ADGRL2: variants seen among roughly 807,000 people sequenced by gnomAD.
ADGRL2 encodes the protein adhesion G protein-coupled receptor L2.
ADGRL2 carries 44 observed loss-of-function variants against 157.4 expected under a neutral mutation model. The observed-to-expected ratio is 0.28, with a 90% CI of 0.22 to 0.36. The LOEUF is 0.36. ADGRL2 is among the 10% of genes least tolerant of loss of function. The probability of loss-of-function intolerance (pLI) is 1.00; values close to 1 mark genes in which losing one functional copy is unlikely to be tolerated. For missense variants in ADGRL2, 1,510 were observed against 1,768.9 expected, an observed-to-expected ratio of 0.85 and a Z score of 2.63; for synonymous variants, 585 against 624.7, an observed-to-expected ratio of 0.94 and a Z score of 0.95.
chr1:81,384,303 G>T (rs1237789182), intron 1 of ADGRL2, among the ~76,000 whole-genome samples: 1 of 152,114 alleles, frequency 6.6e-6, no homozygotes, highest in Non-Finnish European at 1.5e-5. Flanking sequence ...TAAAAAGTAG[G>T]TTGCTGAAGT....
intron 3 of ADGRL2, among the ~76,000 whole-genome samples, chr1:81,688,604 G>A (rs1320397289): frequency 1.3e-5 from 2 of 151,828 alleles, no homozygotes; most frequent in Non-Finnish European, 2.9e-5. Context: ...TCCTTGCATT[G>A]GGCTTTGCCT....
intron 1 of ADGRL2, among the ~76,000 whole-genome samples, chr1:81,812,053 A>G (rs12561800): frequency 0.16 from 24,930 of 151,700 alleles, 2,217 homozygotes; most frequent in East Asian, 0.24. Context: ...ATCATGTTGA[A>G]CCACAGATTT....
At chr1:81,536,105 C>G (rs906813708) in intron 2 of ADGRL2, among the ~76,000 whole-genome samples, 4 of 152,162 alleles carry the variant, frequency 2.6e-5, no homozygotes, top group Admixed American at 6.5e-5. Flanking sequence ...GCTATCTTTA[C>G]TGTTCATCTC....
In ADGRL2 at chr1:81,721,987, T is replaced by C. The variant is rs142514587; in HGVS notation, c.-143+22179T>C. On this transcript the variant is annotated intron_variant, in intron 1 of 20. Transcript: ENST00000359929. ...CCAGACACTGATGCCCTTTAAGAAA[T>C]AGGAGATGAAAATGCAGAGATAGGA... is the stretch of plus-strand genomic sequence containing the variant. 2.4e-3 allele frequency: 1,286 copies of C among 543,390 alleles called. 11 individuals carry two copies. Among genetic ancestry groups the C allele is most frequent in the African/African-American group, 0.022 (1,128 of 52,184 alleles). The allele number at this position is 543,390 out of a possible 1,614,324, so 33.7% of individuals were successfully genotyped here.
At chr1:81,485,967 G>A (rs200218216) in intron 2 of ADGRL2, among the ~76,000 whole-genome samples, 4 of 152,260 alleles carry the variant, frequency 2.6e-5, no homozygotes, top group East Asian at 3.9e-4. Context: ...CTCTCCTCAT[G>A]CTTTGTGTGC....
At chr1:81,474,744 G>C (rs1217120677) in intron 2 of ADGRL2, among the ~76,000 whole-genome samples, 2 of 152,170 alleles carry the variant, frequency 1.3e-5, no homozygotes, top group African/African-American at 4.8e-5. Context: ...GTGCTTTAGA[G>C]TTATTGAACA....
At position 81,969,395 on chromosome 1, in the gene ADGRL2, C is replaced by T. The variant is rs147638391; in HGVS notation, c.2733+8C>T. ...GATAAGACAAAATATGCGGTAAGCA[C>T]CAGTTGAGTTCATTGACCTTAGATC... On this transcript the variant is annotated splice_region_variant and intron_variant, in intron 15 of 23. Coordinates refer to ENST00000686636, the MANE Select transcript of ADGRL2 (RefSeq NM_001366006.2). 1.1e-3 allele frequency: 1,750 copies of T among 1,592,860 alleles called. 49 individuals carry two copies. In the East Asian group the frequency reaches 0.038, roughly 34 times the overall value.
chr1:81,965,299 G>A lies in ADGRL2; in HGVS notation c.2018-759G>A, dbSNP rs75593069. Among the ~76,000 whole-genome samples, 81 of 152,246 alleles carry A rather than the reference G, an allele frequency of 5.3e-4. 1 individual carries two copies. The highest frequency in any genetic ancestry group is 4.8e-3 in the South Asian group (23 of 4,832). On this transcript the variant is annotated intron_variant, in intron 11 of 23. Transcript: ENST00000686636. ...GCATTGTAGCACTGAAGAAGCCATA[G>A]GCAATATACAAATGAATAAGCATGA...
intron 3 of ADGRL2, among the ~76,000 whole-genome samples, chr1:81,682,608 G>C (rs575762495): frequency 2.7e-4 from 41 of 152,278 alleles, no homozygotes; most frequent in African/African-American, 9.4e-4. Context: ...TCCACAGAGA[G>C]GGGGCAGCTC....
At chr1:81,848,095 A>G (rs2150434696) in intron 2 of ADGRL2, among the ~76,000 whole-genome samples, 1 of 151,950 alleles carries the variant, frequency 6.6e-6, no homozygotes, top group Middle Eastern at 3.4e-3. Flanking sequence ...CTTAGTGGAC[A>G]CAATCTCCTT....
upstream of ADGRL2, among the ~76,000 whole-genome samples, chr1:81,800,108 G>A (rs1216063337): frequency 2.0e-5 from 3 of 152,132 alleles, no homozygotes; most frequent in Admixed American, 2.0e-4. Flanking sequence ...GGAAATGAGG[G>A]AAACAGACCT....
chr1:81,475,117 T>C, intron 2 of ADGRL2, among the ~76,000 whole-genome samples: 1 of 152,178 alleles, frequency 6.6e-6, no homozygotes, highest in Admixed American at 6.5e-5. Flanking sequence ...ACATCAATTG[T>C]TGCACCTCAA....
At chr1:81,428,537 A>G (rs2077261126) in intron 1 of ADGRL2, among the ~76,000 whole-genome samples, 1 of 152,198 alleles carries the variant, frequency 6.6e-6, no homozygotes, top group Non-Finnish European at 1.5e-5. Context: ...TGAAACTCAA[A>G]CAAGGGTCAG....
chr1:81,428,679 G>A (rs1360287498), intron 1 of ADGRL2, among the ~76,000 whole-genome samples: 1 of 152,114 alleles, frequency 6.6e-6, no homozygotes, highest in African/African-American at 2.4e-5. Context: ...CTGAGGCAAA[G>A]TTTGTCTGGA....
chr1:81,504,061 C>A (rs537842016), intron 2 of ADGRL2, among the ~76,000 whole-genome samples: 1 of 152,320 alleles, frequency 6.6e-6, no homozygotes, highest in South Asian at 2.1e-4. Flanking sequence ...CCCAGATCCC[C>A]CTTCTAATGG....
Position 81,981,848 on chromosome 1 carries a change from G to A in ADGRL2, c.3154G>A (p.Gly1052Ser). The change falls in exon 19 of 24, where the codon GGC (glycine) becomes AGC (serine). Residue 1052 changes from glycine to serine, a missense_variant. Around this residue, in one of 4 missense-constraint regions of ADGRL2, gnomAD observed 497 missense variants for 627.2 expected, o/e 0.79. Transcript: ENST00000686636. ...LGAFALLCLL[G>S]LTWSFGLLFI... ...CGCTTTCGCTCTTCTGTGTCTTCTT[G>A]GCCTCACCTGGTCCTTTGGGTTGCT... is the stretch of plus-strand genomic sequence containing the variant. 1 of 1,611,950 alleles carries A rather than the reference G, an allele frequency of 6.2e-7. No homozygotes were observed. Among genetic ancestry groups the A allele is most frequent in the Non-Finnish European group, 8.5e-7 (1 of 1,178,722 alleles).
rs114842936 is a variant in ADGRL2, at chr1:81,501,920, G to C, written c.-248+56831G>C. ...CCAGTTCTTGTATGCCCAAAAGCTGGTCACGCAGCCGACTCTCTTTTCCGC... is the reference window on the plus strand; with the variant it reads ...CCAGTTCTTGTATGCCCAAAAGCTGCTCACGCAGCCGACTCTCTTTTCCGC... On this transcript the variant is annotated intron_variant, in intron 2 of 24. Coordinates refer to the ADGRL2 transcript ENST00000370721. The C allele has an allele frequency of 3.5e-3, 5,611 of 1,613,806 alleles. 152 individuals are homozygous for C. In the African/African-American group the frequency reaches 0.063, roughly 18 times the overall value.
intron 2 of ADGRL2, among the ~76,000 whole-genome samples, chr1:81,509,815 C>A (rs564889748): frequency 1.3e-5 from 2 of 152,266 alleles, no homozygotes; most frequent in East Asian, 3.9e-4. Context: ...TGTGTGCAAA[C>A]AGGAGGAACT....
intron 1 of ADGRL2, among the ~76,000 whole-genome samples, chr1:81,811,429 A>AGGGAGAGAG (rs1198969774): frequency 6.6e-6 from 1 of 151,656 alleles, no homozygotes; most frequent in Admixed American, 6.6e-5. Flanking sequence ...AGACATTTTA[A>AGGGAGAGAG]GGGAGAGAGG....
Sources: allele counts gnomAD v4.1 joint callset (sites outside exome capture counted in the v4.1 genomes callset), GRCh38; gene constraint gnomAD v4.1.1; regional missense constraint gnomAD v4.1.1; transcripts MANE v1.5; gene names NCBI Gene and HGNC (gene_info 2026-07-23, HGNC 2026-07-21).